NUBPL: variants seen among roughly 807,000 people sequenced by gnomAD.
The protein encoded by NUBPL is iron-sulfur cluster transfer protein NUBPL.
In NUBPL, 31 loss-of-function variants were observed where a neutral mutation model predicts 45.7. The ratio of observed to expected loss-of-function variants is 0.68; its 90% CI spans 0.51 to 0.92. The LOEUF (loss-of-function observed/expected upper bound fraction) is 0.92, where lower values mean the gene tolerates loss of function less well. NUBPL is among the 40% of genes least tolerant of loss of function. The probability of loss-of-function intolerance (pLI) is 0.00; values close to 1 mark genes in which losing one functional copy is unlikely to be tolerated. For synonymous variants in NUBPL, 144 were observed against 140.9 expected (o/e 1.02, Z -0.15); for missense variants, 401 against 398.7 (o/e 1.01, Z -0.05).
In NUBPL at chr14:31,575,406, C is replaced by T. The variant is rs943283148; in HGVS notation, c.291+10358C>T. Among the ~76,000 whole-genome samples the T allele has an allele frequency of 1.8e-4, 28 of 152,242 alleles. 1 individual carries two copies. In the South Asian group the frequency reaches 2.1e-3, roughly 11 times the overall value. ...CTGGCTCTGCCTCCTGCAAACTCTG[C>T]GACTTTTGCCTGTACCTACCTAATA... On this transcript the variant is annotated intron_variant, in intron 3 of 10. Coordinates refer to ENST00000281081, the MANE Select transcript of NUBPL (RefSeq NM_025152.3).
intron 4 of NUBPL, among the ~76,000 whole-genome samples, chr14:31,607,598 GAAGA>G (rs1419086855): frequency 6.6e-6 from 1 of 151,940 alleles, no homozygotes; most frequent in African/African-American, 2.4e-5. Flanking sequence ...TTGGCATGCT[GAAGA>G]ATGCATCAGT....
intron 8 of NUBPL, among the ~76,000 whole-genome samples, chr14:31,832,101 A>T (rs1006796414): frequency 1.2e-4 from 18 of 152,172 alleles, no homozygotes; most frequent in African/African-American, 4.3e-4. Context: ...ATAAATACAC[A>T]TATGTGTGTA....
At chr14:31,641,015 G>T (rs1222924122) in intron 4 of NUBPL, among the ~76,000 whole-genome samples, 1 of 151,890 alleles carries the variant, frequency 6.6e-6, no homozygotes, top group Admixed American at 6.6e-5. Flanking sequence ...GCAGTGACAC[G>T]ATCTCAGCTC....
chr14:31,621,602 C>A (rs1159941382), intron 4 of NUBPL, among the ~76,000 whole-genome samples: 2 of 152,190 alleles, frequency 1.3e-5, no homozygotes, highest in Non-Finnish European at 2.9e-5. Context: ...CTTTGGCTCA[C>A]CCTCCATGGG....
At chr14:31,707,237 G>C (rs1274778667) in intron 6 of NUBPL, among the ~76,000 whole-genome samples, 1 of 152,246 alleles carries the variant, frequency 6.6e-6, no homozygotes, top group African/African-American at 2.4e-5. Flanking sequence ...AGTGGCCTCA[G>C]TGCTTTCGGG....
intron 6 of NUBPL, among the ~76,000 whole-genome samples, chr14:31,694,041 G>A (rs879619206): frequency 2.8e-4 from 43 of 151,914 alleles, no homozygotes; most frequent in African/African-American, 8.9e-4. Context: ...ATTTTTAGTA[G>A]AGACAGGGTT....
intron 3 of NUBPL, among the ~76,000 whole-genome samples, chr14:31,581,918 G>A (rs1179568383): frequency 1.3e-5 from 2 of 152,146 alleles, no homozygotes; most frequent in African/African-American, 4.8e-5. Flanking sequence ...ATTCTAAGAT[G>A]TACACAAATT....
chr14:31,824,666 C>T (rs1472863534), intron 7 of NUBPL, among the ~76,000 whole-genome samples: 1 of 152,082 alleles, frequency 6.6e-6, no homozygotes, highest in Non-Finnish European at 1.5e-5. Context: ...CTTAGTTCTC[C>T]TACCACTTTT....
At chr14:31,840,584 A>T (rs1479970575) in intron 8 of NUBPL, among the ~76,000 whole-genome samples, 2 of 120,148 alleles carry the variant, frequency 1.7e-5, no homozygotes, top group East Asian at 5.2e-4. Context: ...TCAAAAAAAA[A>T]AAAAAAGAAA....
chr14:31,815,830 A>G (rs536867065), intron 7 of NUBPL, among the ~76,000 whole-genome samples: 2 of 152,252 alleles, frequency 1.3e-5, no homozygotes, highest in African/African-American at 4.8e-5. Flanking sequence ...TATGTGATGG[A>G]TTATTTTTAT....
In NUBPL at chr14:31,846,544, C is replaced by T. The variant is rs1293150171; in HGVS notation, c.767C>T (p.Ala256Val). 1.2e-6 allele frequency: 2 copies of T among 1,613,320 alleles called. No individual in the cohort carries two copies. Among genetic ancestry groups the T allele is most frequent in the Non-Finnish European group, 1.7e-6 (2 of 1,179,712 alleles). Residue 256 changes from alanine (A) to valine (V), a missense_variant, in exon 9 of 11, where the codon GCT (alanine) becomes GTT (valine). Ala to Val is a moderately conservative substitution (Grantham distance 64). Coordinates refer to ENST00000281081, the MANE Select transcript of NUBPL (RefSeq NM_025152.3). ...AAACACAAAACTCATATTTTTGGTG[C>T]TGATGGTGCAAGGAAACTAGCACAG... The part of the protein sequence containing the change: ...KCKHKTHIFG[A>V]DGARKLAQTL...
At chr14:31,753,551 C>T (rs1164355303) in intron 6 of NUBPL, among the ~76,000 whole-genome samples, 1 of 152,018 alleles carries the variant, frequency 6.6e-6, no homozygotes, top group Admixed American at 6.6e-5. Context: ...ACAGTGGAGC[C>T]CCATGGATGT....
chr14:31,591,061 G>A (rs2034129401), intron 3 of NUBPL, among the ~76,000 whole-genome samples: 1 of 152,104 alleles, frequency 6.6e-6, no homozygotes, highest in Admixed American at 6.6e-5. Flanking sequence ...CAGATTTGCA[G>A]CTTTTTTATA....
chr14:31,722,873 C>A (rs2139954169), intron 6 of NUBPL, among the ~76,000 whole-genome samples: 1 of 152,118 alleles, frequency 6.6e-6, no homozygotes, highest in Non-Finnish European at 1.5e-5. Flanking sequence ...TATTTTCTCT[C>A]ATTCTGTAGG....
intron 9 of NUBPL, among the ~76,000 whole-genome samples, chr14:31,849,811 G>T (rs1034555377): frequency 6.6e-6 from 1 of 152,176 alleles, no homozygotes; most frequent in African/African-American, 2.4e-5. Context: ...GAAATCATTT[G>T]CAAATGTCTT....
At chr14:31,679,704 CTG>C (rs1301647589) in intron 6 of NUBPL, among the ~76,000 whole-genome samples, 1 of 152,106 alleles carries the variant, frequency 6.6e-6, no homozygotes, top group Non-Finnish European at 1.5e-5. Flanking sequence ...CATTTTCCAA[CTG>C]TGTTTTTTCA....
At chr14:31,823,871 G>A (rs1399813120) in intron 7 of NUBPL, among the ~76,000 whole-genome samples, 1 of 152,014 alleles carries the variant, frequency 6.6e-6, no homozygotes, top group Admixed American at 6.6e-5. Context: ...ATGTATTGGA[G>A]GTGTAGAGTG....
At chr14:31,723,486 T>C (rs952971553) in intron 6 of NUBPL, among the ~76,000 whole-genome samples, 2 of 152,224 alleles carry the variant, frequency 1.3e-5, no homozygotes, top group South Asian at 4.1e-4. Flanking sequence ...AAGAATGTAA[T>C]TGGTAGTTTG....
intron 6 of NUBPL, among the ~76,000 whole-genome samples, chr14:31,778,143 G>T (rs2039129137): frequency 6.6e-6 from 1 of 152,244 alleles, no homozygotes; most frequent in African/African-American, 2.4e-5. Context: ...CGTAGAATTA[G>T]TGAAACTGAC....
Sources: allele counts gnomAD v4.1 joint callset (sites outside exome capture counted in the v4.1 genomes callset), GRCh38; gene constraint gnomAD v4.1.1; transcripts MANE v1.5; gene names NCBI Gene and HGNC (gene_info 2026-07-23, HGNC 2026-07-21).